Variants in TENM3 observed in about 807,000 individuals in gnomAD.
The protein encoded by TENM3 is teneurin-3.
Under a neutral mutation model 255.1 loss-of-function variants are expected in TENM3, and 63 were observed. That is an observed-to-expected ratio of 0.25 (90% CI 0.20 to 0.30). TENM3 has a LOEUF of 0.30. Among genes scored for constraint, TENM3 ranks in the 10% least tolerant of loss-of-function variants. The pLI is 1.00. For synonymous variants in TENM3, 1,306 were observed against 1,322.3 expected (o/e 0.99, Z 0.27); for missense variants, 2,929 against 3,461.1 (o/e 0.85, Z 3.86).
Position 182,223,793 on chromosome 4 carries a change from A to G in TENM3, c.-76+79039A>G, listed in dbSNP as rs548720049. Among the ~76,000 whole-genome samples, 6 of 151,678 alleles carry G rather than the reference A, an allele frequency of 4.0e-5. No individual in the cohort carries two copies. The South Asian group carries it at 1.2e-3, about 32-fold the overall frequency. On this transcript the variant is annotated intron_variant, in intron 1 of 2. Coordinates refer to the TENM3 transcript ENST00000512480. ...ATGGAGATAGATTGGCAAAAAAAAA[A>G]AAAAAAAAGGAATGGAATTGACTGG...
the TENM3 span, among the ~76,000 whole-genome samples, chr4:181,496,201 G>A: frequency 1.3e-5 from 2 of 152,176 alleles, no homozygotes; most frequent in South Asian, 2.1e-4. Context: ...TAGGAGAAAC[G>A]AAACTTGAGG....
chr4:181,995,862 T>C, the TENM3 span, among the ~76,000 whole-genome samples: 1 of 151,928 alleles, frequency 6.6e-6, no homozygotes, highest in Non-Finnish European at 1.5e-5. Context: ...TCAAAATAAG[T>C]AAGATTTATA....
chr4:181,616,669 C>T, the TENM3 span, among the ~76,000 whole-genome samples: 1 of 152,132 alleles, frequency 6.6e-6, no homozygotes, highest in East Asian at 1.9e-4. Flanking sequence ...AGTCAAAGGC[C>T]AAAGGCCTGA....
At chr4:182,229,602 G>GTGTA (rs1261559802) in intron 1 of TENM3, among the ~76,000 whole-genome samples, 2 of 150,434 alleles carry the variant, frequency 1.3e-5, no homozygotes, top group African/African-American at 5.0e-5. Context: ...GTGTGCGTGT[G>GTGTA]TATGTGTGTA....
At chr4:182,229,806 A>T (rs576470675) in intron 1 of TENM3, among the ~76,000 whole-genome samples, 1 of 152,198 alleles carries the variant, frequency 6.6e-6, no homozygotes, top group Non-Finnish European at 1.5e-5. Flanking sequence ...TAAGAGTAAC[A>T]AAGAATTTCC....
At chr4:181,618,737 A>G in the TENM3 span, among the ~76,000 whole-genome samples, 871 of 152,318 alleles carry the variant, frequency 5.7e-3, 6 homozygotes, top group African/African-American at 0.018. Flanking sequence ...GTGTGGCTAC[A>G]ATTTTTACAA....
intron 22 of TENM3, among the ~76,000 whole-genome samples, chr4:182,769,757 C>T (rs1172063575): frequency 6.7e-6 from 1 of 149,718 alleles, no homozygotes; most frequent in Non-Finnish European, 1.5e-5. Flanking sequence ...GTACTCTAGC[C>T]TAGGCAACAG....
intron 1 of TENM3, among the ~76,000 whole-genome samples, chr4:182,233,790 T>C (rs1273051409): frequency 6.6e-6 from 1 of 152,240 alleles, no homozygotes; most frequent in East Asian, 1.9e-4. Context: ...AAGGAATCAC[T>C]TTAGAAGGGA....
the TENM3 span, among the ~76,000 whole-genome samples, chr4:182,056,643 T>C: frequency 2.0e-5 from 3 of 152,316 alleles, no homozygotes; most frequent in Admixed American, 6.5e-5. Context: ...TTATCTTGGC[T>C]GAAGCTAAAT....
At chr4:181,935,205 AC>A in the TENM3 span, among the ~76,000 whole-genome samples, 51 of 152,248 alleles carry the variant, frequency 3.3e-4, no homozygotes, top group Admixed American at 7.9e-4. Flanking sequence ...GGAACTAAAA[AC>A]ATTTGTGATT....
chr4:181,786,660 A>G, the TENM3 span, among the ~76,000 whole-genome samples: 1 of 149,524 alleles, frequency 6.7e-6, no homozygotes, highest in African/African-American at 2.5e-5. Context: ...ATTTGATGAG[A>G]TCTCTAGGGA....
the TENM3 span, among the ~76,000 whole-genome samples, chr4:181,573,952 AATCCTTAAGAT>A: frequency 6.6e-6 from 1 of 152,158 alleles, no homozygotes; most frequent in Non-Finnish European, 1.5e-5. Flanking sequence ...CAGCAAAAAA[AATCCTTAAGAT>A]ATCATACAGG....
At chr4:182,526,895 AT>A (rs1483594804) in intron 3 of TENM3, among the ~76,000 whole-genome samples, 1 of 152,124 alleles carries the variant, frequency 6.6e-6, no homozygotes, top group African/African-American at 2.4e-5. Flanking sequence ...ATTCACTACT[AT>A]ATGTAATATT....
intron 3 of TENM3, among the ~76,000 whole-genome samples, chr4:182,458,354 A>G (rs950567140): frequency 6.6e-6 from 1 of 152,226 alleles, no homozygotes; most frequent in Non-Finnish European, 1.5e-5. Flanking sequence ...TGGCAAAATG[A>G]TAGATTATGT....
chr4:181,786,928 A>G, the TENM3 span, among the ~76,000 whole-genome samples: 1 of 152,046 alleles, frequency 6.6e-6, no homozygotes, highest in East Asian at 1.9e-4. Flanking sequence ...CACGGGGATA[A>G]CTCTCCTTTC....
chr4:182,250,304 A>AT (rs1757936865), intron 1 of TENM3, among the ~76,000 whole-genome samples: 1 of 151,936 alleles, frequency 6.6e-6, no homozygotes, highest in Non-Finnish European at 1.5e-5. Context: ...CACCCGCCTT[A>AT]GCCTCCCAAA....
chr4:181,930,971 C>T, the TENM3 span, among the ~76,000 whole-genome samples: 11 of 152,194 alleles, frequency 7.2e-5, no homozygotes, highest in African/African-American at 2.7e-4. Context: ...AACACCTCTT[C>T]ATGCTAAAAA....
the TENM3 span, among the ~76,000 whole-genome samples, chr4:181,503,229 G>A: frequency 6.6e-6 from 1 of 152,216 alleles, no homozygotes; most frequent in South Asian, 2.1e-4. Flanking sequence ...AGCTGGGCAT[G>A]CTGGCCTGAT....
At chr4:182,366,419 T>C (rs1766433932) in intron 3 of TENM3, among the ~76,000 whole-genome samples, 2 of 151,920 alleles carry the variant, frequency 1.3e-5, no homozygotes, top group Admixed American at 1.3e-4. Context: ...TAAGTACATT[T>C]ACTATATATT....
Sources: gnomAD v4.1 joint callset for allele counts (sites outside exome capture counted in the v4.1 genomes callset) on GRCh38, gnomAD v4.1.1 for gene constraint, MANE v1.5 for transcripts, NCBI Gene and HGNC (gene_info 2026-07-23, HGNC 2026-07-21) for gene names.